The following LRBA variants were observed in gnomAD, a reference collection of about 807,000 sequenced individuals.
LRBA encodes the protein LPS responsive beige-like anchor protein, also known as lipopolysaccharide-responsive and beige-like anchor protein.
In LRBA, 176 loss-of-function variants were observed where a neutral mutation model predicts 330.0. That is an observed-to-expected ratio of 0.53 (90% confidence interval 0.47 to 0.60). The LOEUF (loss-of-function observed/expected upper bound fraction) is 0.60, where lower values mean the gene tolerates loss of function less well. Among genes scored for constraint, LRBA ranks in the 20% least tolerant of loss-of-function variants. LRBA has a pLI of 0.00. For synonymous variants in LRBA, 1,230 were observed against 1,193.0 expected (o/e 1.03, Z -0.64); for missense variants, 3,259 against 3,444.8 (o/e 0.95, Z 1.35).
At chr4:150,781,003 TC>T (rs1431584930) in intron 34 of LRBA, among the ~76,000 whole-genome samples, 1 of 151,958 alleles carries the variant, frequency 6.6e-6, no homozygotes, top group Non-Finnish European at 1.5e-5. Context: ...CCTCAGCCTC[TC>T]GAGTAGCTGG....
chr4:150,266,945 A>G (rs1381344793), intron 56 of LRBA, among the ~76,000 whole-genome samples: 2 of 152,248 alleles, frequency 1.3e-5, no homozygotes. Flanking sequence ...CTTTCAGTCA[A>G]AAACTGTTAC....
At chr4:150,384,698 G>A (rs1294991910) in intron 47 of LRBA, among the ~76,000 whole-genome samples, 2 of 151,660 alleles carry the variant, frequency 1.3e-5, no homozygotes, top group African/African-American at 4.8e-5. Flanking sequence ...GTTAAATAAG[G>A]CTAGAGAAAA....
chr4:150,599,366 A>T (rs1255008113), intron 37 of LRBA, among the ~76,000 whole-genome samples: 1 of 152,148 alleles, frequency 6.6e-6, no homozygotes, highest in Non-Finnish European at 1.5e-5. Context: ...GGAAGGTGAA[A>T]TGAGCACTAA....
At chr4:150,398,367 G>A (rs535926677) in intron 47 of LRBA, among the ~76,000 whole-genome samples, 2 of 152,190 alleles carry the variant, frequency 1.3e-5, no homozygotes, top group African/African-American at 4.8e-5. Context: ...TCATAAAAAT[G>A]AAAAAGTAAA....
At chr4:150,863,396 T>C (rs1044816722) in intron 22 of LRBA, among the ~76,000 whole-genome samples, 1 of 152,182 alleles carries the variant, frequency 6.6e-6, no homozygotes, top group Non-Finnish European at 1.5e-5. Context: ...TCCCGGTGGC[T>C]CACCCCTGTA....
intron 51 of LRBA, among the ~76,000 whole-genome samples, chr4:150,312,685 G>A (rs1731215697): frequency 6.6e-6 from 1 of 152,130 alleles, no homozygotes; most frequent in Non-Finnish European, 1.5e-5. Flanking sequence ...CTGTCAATTG[G>A]TAGATAATTA....
At chr4:150,456,666 C>T (rs182451561) in intron 44 of LRBA, among the ~76,000 whole-genome samples, 4 of 152,168 alleles carry the variant, frequency 2.6e-5, no homozygotes, top group East Asian at 3.9e-4. Context: ...TGCGCAGAAG[C>T]CTTTTTAACT....
chr4:151,003,453 T>G (rs146535177), intron 2 of LRBA, among the ~76,000 whole-genome samples: 1 of 136,510 alleles, frequency 7.3e-6, no homozygotes, highest in Non-Finnish European at 1.6e-5. Context: ...AAAAAGCCAA[T>G]AGTCAAAGGA....
chr4:150,563,110 T>C (rs1030777123), intron 40 of LRBA, among the ~76,000 whole-genome samples: 17 of 152,186 alleles, frequency 1.1e-4, no homozygotes, highest in African/African-American at 4.1e-4. Flanking sequence ...ATAATTTTTT[T>C]TAACCTTATG....
intron 34 of LRBA, among the ~76,000 whole-genome samples, chr4:150,788,532 G>A (rs937640157): frequency 3.3e-5 from 5 of 151,928 alleles, no homozygotes; most frequent in East Asian, 1.9e-4. Flanking sequence ...TCTAAGAGAC[G>A]GGCAAATCAC....
intron 46 of LRBA, among the ~76,000 whole-genome samples, chr4:150,419,571 G>T (rs551188724): frequency 4.0e-4 from 60 of 150,134 alleles, no homozygotes; most frequent in Non-Finnish European, 8.7e-4. Flanking sequence ...TGAGTTGGTG[G>T]TTATAATTTT....
intron 30 of LRBA, among the ~76,000 whole-genome samples, chr4:150,817,619 T>C (rs1269195972): frequency 2.0e-5 from 3 of 151,162 alleles, no homozygotes; most frequent in Non-Finnish European, 4.4e-5. Context: ...TCTGAAATAA[T>C]AAAACCTTAG....
chr4:150,328,154 T>C (rs576135777), intron 48 of LRBA, among the ~76,000 whole-genome samples: 27 of 152,144 alleles, frequency 1.8e-4, no homozygotes, highest in Non-Finnish European at 3.5e-4. Context: ...AAAACTTGCA[T>C]GTTTCAGAGA....
At chr4:150,917,561 C>A (rs556360282) in intron 5 of LRBA, among the ~76,000 whole-genome samples, 1 of 152,066 alleles carries the variant, frequency 6.6e-6, no homozygotes, top group South Asian at 2.1e-4. Context: ...ATGGCTTTAC[C>A]GCTTGGTTTA....
At chr4:150,945,371 C>A (rs1258405267) in intron 2 of LRBA, among the ~76,000 whole-genome samples, 2 of 152,148 alleles carry the variant, frequency 1.3e-5, no homozygotes, top group East Asian at 3.9e-4. Flanking sequence ...GAATATTGTA[C>A]AGCCTTTAAA....
chr4:150,830,618 A>T (rs1747028443), intron 29 of LRBA, among the ~76,000 whole-genome samples: 1 of 152,130 alleles, frequency 6.6e-6, no homozygotes, highest in Non-Finnish European at 1.5e-5. Flanking sequence ...CTAACTCAAG[A>T]AATCATGAAG....
intron 46 of LRBA, among the ~76,000 whole-genome samples, chr4:150,434,677 C>T (rs1352952737): frequency 6.6e-6 from 1 of 151,944 alleles, no homozygotes; most frequent in African/African-American, 2.4e-5. Context: ...CATAGGGAGA[C>T]CCCATCTTTA....
chr4:150,851,658 G>C (rs955492227), intron 23 of LRBA, among the ~76,000 whole-genome samples: 27 of 152,094 alleles, frequency 1.8e-4, no homozygotes, highest in African/African-American at 5.6e-4. Context: ...GGTAACTTCT[G>C]GTGATACTAT....
rs1561457611 is a variant in LRBA at position 150,639,795 on chromosome 4, A to ATG, written c.5922-40665_5922-40664insCA. ...TATATATATATATGTGTGTGTGTAT[A>ATG]TATATATATATGTGTGTGTGTGTGT... is the stretch of plus-strand genomic sequence containing the variant. On this transcript the variant is annotated intron_variant, in intron 37 of 56. Coordinates refer to ENST00000651943, the MANE Select transcript of LRBA (RefSeq NM_001364905.1). Among the ~76,000 whole-genome samples, 17 of 4,528 alleles carry ATG rather than the reference A, an allele frequency of 3.8e-3. 2 individuals carry two copies. Among genetic ancestry groups the ATG allele is most frequent in the African/African-American group, 0.011 (17 of 1,590 alleles). 3.0% of individuals were successfully genotyped at this position (4,528 alleles called of 152,430 possible). A position where few individuals can be genotyped will look rare whatever the true frequency, so the allele number is the denominator to read the frequency against.
Sources: gnomAD v4.1 joint callset for allele counts (sites outside exome capture counted in the v4.1 genomes callset) on GRCh38, gnomAD v4.1.1 for gene constraint, MANE v1.5 for transcripts, NCBI Gene and HGNC (gene_info 2026-07-23, HGNC 2026-07-21) for gene names.